ABTB3: variants seen among roughly 807,000 people sequenced by gnomAD.
The protein encoded by ABTB3 is ankyrin repeat and BTB domain containing 3, also known as ankyrin repeat- and BTB/POZ domain-containing protein 3.
the ABTB3 span, among the ~76,000 whole-genome samples, chr12:107,623,337 G>T: frequency 4.2e-5 from 6 of 144,128 alleles, no homozygotes; most frequent in Non-Finnish European, 9.0e-5. Flanking sequence ...GGGATTACAG[G>T]TGTGAGCCAC....
the ABTB3 span, among the ~76,000 whole-genome samples, chr12:107,386,159 C>T: frequency 6.6e-6 from 1 of 152,214 alleles, no homozygotes; most frequent in Non-Finnish European, 1.5e-5. Flanking sequence ...TCTTCCTCAC[C>T]TCTCTACCTT....
the ABTB3 span, among the ~76,000 whole-genome samples, chr12:107,488,124 A>C: frequency 6.6e-6 from 1 of 152,080 alleles, no homozygotes; most frequent in Admixed American, 6.5e-5. Context: ...ACTGGGTAGC[A>C]GATTCAGTGG....
At chr12:107,397,381 C>T in the ABTB3 span, among the ~76,000 whole-genome samples, 21,851 of 152,146 alleles carry the variant, frequency 0.14, 1,975 homozygotes, top group East Asian at 0.45. Context: ...TTGAACATTA[C>T]ACCATGTTTT....
At chr12:107,427,401 C>G in the ABTB3 span, among the ~76,000 whole-genome samples, 7 of 152,264 alleles carry the variant, frequency 4.6e-5, no homozygotes, top group East Asian at 1.4e-3. Flanking sequence ...CCCGCCTCAA[C>G]CTCCCGAGTA....
the ABTB3 span, among the ~76,000 whole-genome samples, chr12:107,500,784 A>T: frequency 6.6e-6 from 1 of 152,054 alleles, no homozygotes; most frequent in African/African-American, 2.4e-5. Context: ...GCCTGGCTAC[A>T]GTCTTTTGTC....
chr12:107,580,441 C>G, the ABTB3 span, among the ~76,000 whole-genome samples: 3 of 152,238 alleles, frequency 2.0e-5, no homozygotes, highest in Non-Finnish European at 4.4e-5. Context: ...CTACCATGAT[C>G]CCATTAGCAG....
the ABTB3 span, among the ~76,000 whole-genome samples, chr12:107,421,949 C>T: frequency 2.2e-4 from 34 of 152,260 alleles, no homozygotes; most frequent in Middle Eastern, 3.4e-3. Context: ...CAGCAGTGAA[C>T]AAGAGACAGA....
At chr12:107,448,008 G>C in the ABTB3 span, among the ~76,000 whole-genome samples, 2 of 152,196 alleles carry the variant, frequency 1.3e-5, no homozygotes, top group African/African-American at 2.4e-5. Flanking sequence ...GCTGGGCCAA[G>C]CATGGGCTAA....
the ABTB3 span, among the ~76,000 whole-genome samples, chr12:107,510,975 G>T: frequency 2.6e-5 from 4 of 152,078 alleles, no homozygotes; most frequent in Non-Finnish European, 5.9e-5. Context: ...TCAGCAAAGA[G>T]CCCTAAATGA....
the ABTB3 span, among the ~76,000 whole-genome samples, chr12:107,566,399 C>A: frequency 6.6e-6 from 1 of 152,064 alleles, no homozygotes. Flanking sequence ...ATTTATTCAT[C>A]ATTTATAACC....
the ABTB3 span, among the ~76,000 whole-genome samples, chr12:107,463,099 T>C: frequency 1.3e-5 from 2 of 150,524 alleles, no homozygotes; most frequent in Non-Finnish European, 3.0e-5. Flanking sequence ...ACAGTGATGA[T>C]GATGGTGATA....
At chr12:107,450,179 CT>C in the ABTB3 span, among the ~76,000 whole-genome samples, 3 of 151,926 alleles carry the variant, frequency 2.0e-5, no homozygotes, top group African/African-American at 7.3e-5. Context: ...TTTCTTATGA[CT>C]TTTTTCTCCC....
the ABTB3 span, among the ~76,000 whole-genome samples, chr12:107,457,040 T>A: frequency 1.3e-5 from 2 of 152,104 alleles, no homozygotes; most frequent in Non-Finnish European, 2.9e-5. Context: ...TTGCATTTTT[T>A]AAGTAGAGAC....
At chr12:107,595,101 T>C in the ABTB3 span, among the ~76,000 whole-genome samples, 1 of 152,134 alleles carries the variant, frequency 6.6e-6, no homozygotes, top group Non-Finnish European at 1.5e-5. Flanking sequence ...AACCTAAATG[T>C]GTTCATAGAG....
At chr12:107,391,311 G>C in the ABTB3 span, among the ~76,000 whole-genome samples, 1 of 152,172 alleles carries the variant, frequency 6.6e-6, no homozygotes, top group Non-Finnish European at 1.5e-5. Context: ...TGCTGGATTT[G>C]AATTCCAATT....
At chr12:107,326,375 C>T in the ABTB3 span, among the ~76,000 whole-genome samples, 1 of 152,170 alleles carries the variant, frequency 6.6e-6, no homozygotes, top group African/African-American at 2.4e-5. Flanking sequence ...TTATCTTCTA[C>T]GTGTGGCCTT....
At chr12:107,481,423 G>A in the ABTB3 span, among the ~76,000 whole-genome samples, 2 of 152,176 alleles carry the variant, frequency 1.3e-5, no homozygotes, top group African/African-American at 4.8e-5. Context: ...GCACCAGGTT[G>A]CATCTCCCCC....
the ABTB3 span, among the ~76,000 whole-genome samples, chr12:107,491,902 A>G: frequency 4.6e-5 from 7 of 151,994 alleles, no homozygotes; most frequent in Admixed American, 3.9e-4. Context: ...GAAGATTATA[A>G]AAGGGAGTGA....
the ABTB3 span, chr12:107,650,164 A>AT: frequency 6.6e-6 from 1 of 152,198 alleles, no homozygotes; most frequent in Admixed American, 6.5e-5. Context: ...ACTAGTCTAA[A>AT]TCCAGGCTCC....
Sources: allele counts gnomAD v4.1 joint callset (sites outside exome capture counted in the v4.1 genomes callset), GRCh38; gene constraint gnomAD v4.1.1; transcripts MANE v1.5; gene names NCBI Gene and HGNC (gene_info 2026-07-23, HGNC 2026-07-21).